Variants in AKT3 observed in about 807,000 individuals in gnomAD.
AKT3 encodes RAC-gamma serine/threonine-protein kinase.
In AKT3, 15 loss-of-function variants were observed where a neutral mutation model predicts 65.3. The observed-to-expected ratio is 0.23, with a 90% CI of 0.15 to 0.35. The LOEUF (loss-of-function observed/expected upper bound fraction) is 0.35, where lower values mean the gene tolerates loss of function less well. Ranked by LOEUF, AKT3 falls within the 10% of genes least tolerant of loss-of-function variation. AKT3 has a pLI of 1.00. For synonymous variants in AKT3, 206 were observed against 183.8 expected (o/e 1.12, Z -0.98); for missense variants, 243 against 576.5 (o/e 0.42, Z 5.92).
At chr1:243,765,409 A>T (rs577368615) in intron 2 of AKT3, among the ~76,000 whole-genome samples, 11 of 152,260 alleles carry the variant, frequency 7.2e-5, no homozygotes, top group African/African-American at 2.4e-4. Flanking sequence ...AACCATGTAA[A>T]CCAGCTTCCA....
At chr1:243,727,357 A>C (rs1440456649) in intron 2 of AKT3, among the ~76,000 whole-genome samples, 3 of 152,078 alleles carry the variant, frequency 2.0e-5, no homozygotes, top group African/African-American at 7.2e-5. Flanking sequence ...GCGATGGTAC[A>C]ATCTCAGCTC....
At chr1:243,745,152 A>C (rs544802908) in intron 2 of AKT3, among the ~76,000 whole-genome samples, 1 of 152,110 alleles carries the variant, frequency 6.6e-6, no homozygotes, top group South Asian at 2.1e-4. Flanking sequence ...CAGCCTGGGC[A>C]ATATGGTAAG....
At chr1:243,671,264 G>C (rs530896736) in intron 3 of AKT3, among the ~76,000 whole-genome samples, 113 of 152,120 alleles carry the variant, frequency 7.4e-4, no homozygotes, top group Non-Finnish European at 1.3e-3. Context: ...ATTTTTAGTA[G>C]AGACGGGGTT....
chr1:243,762,314 A>G (rs534179339), intron 2 of AKT3, among the ~76,000 whole-genome samples: 1 of 152,182 alleles, frequency 6.6e-6, no homozygotes, highest in South Asian at 2.1e-4. Flanking sequence ...TTTATTAAAT[A>G]CCCCCTTTGA....
At chr1:243,562,295 G>A (rs1673846046) in intron 10 of AKT3, among the ~76,000 whole-genome samples, 1 of 152,114 alleles carries the variant, frequency 6.6e-6, no homozygotes, top group Non-Finnish European at 1.5e-5. Flanking sequence ...AAGACAAAAA[G>A]CAGATCAGTG....
chr1:243,658,672 T>G (rs1444543908), intron 4 of AKT3, among the ~76,000 whole-genome samples: 1 of 152,110 alleles, frequency 6.6e-6, no homozygotes, highest in Non-Finnish European at 1.5e-5. Flanking sequence ...TGCCCTCTCA[T>G]GCTCATTGTT....
chr1:243,773,213 T>A (rs1051031220), intron 2 of AKT3, among the ~76,000 whole-genome samples: 17 of 147,286 alleles, frequency 1.2e-4, no homozygotes, highest in African/African-American at 4.2e-4. Flanking sequence ...AAAAAATATA[T>A]ATATATATAT....
rs538385372 is a variant in AKT3 at position 243,719,985 on chromosome 1, A to G, written c.47-24269T>C. ...TACTTACTTAATAACCTTGGTGTTA[A>G]GAGAGAGACATAAGAAATGAAAGCA... On this transcript the variant is annotated intron_variant, in intron 2 of 13. Transcript: ENST00000673466. Among the ~76,000 whole-genome samples the G allele has an allele frequency of 1.6e-4, 25 of 152,334 alleles. No individual in the cohort carries two copies. The Middle Eastern group carries it at 0.01, about 62-fold the overall frequency.
chr1:243,544,242 G>A (rs1672502861), intron 12 of AKT3, among the ~76,000 whole-genome samples: 2 of 134,236 alleles, frequency 1.5e-5, no homozygotes, highest in Non-Finnish European at 3.1e-5. Flanking sequence ...TGAGGTAGTG[G>A]GGGAAAAAAA....
At chr1:243,742,536 A>C (rs946274371) in intron 2 of AKT3, among the ~76,000 whole-genome samples, 1 of 152,154 alleles carries the variant, frequency 6.6e-6, no homozygotes, top group Non-Finnish European at 1.5e-5. Context: ...GAGGCAGGAT[A>C]ATCACTTGAA....
chr1:243,777,146 G>A (rs746276291), intron 2 of AKT3, among the ~76,000 whole-genome samples: 1 of 152,150 alleles, frequency 6.6e-6, no homozygotes, highest in Non-Finnish European at 1.5e-5. Flanking sequence ...CCATGGGATT[G>A]GGGGGAGACG....
chr1:243,639,638 C>T (rs1680226610), intron 5 of AKT3, among the ~76,000 whole-genome samples: 2 of 152,152 alleles, frequency 1.3e-5, no homozygotes, highest in South Asian at 2.1e-4. Flanking sequence ...GGAAGTTACC[C>T]TGTATGGTCT....
At chr1:243,522,790 GAAAT>G (rs1450870619) in intron 12 of AKT3, among the ~76,000 whole-genome samples, 1 of 152,100 alleles carries the variant, frequency 6.6e-6, no homozygotes, top group Non-Finnish European at 1.5e-5. Flanking sequence ...TATTAAACCA[GAAAT>G]AAATAAAAAA....
chr1:243,733,495 G>A (rs527527405), intron 2 of AKT3, among the ~76,000 whole-genome samples: 14 of 152,216 alleles, frequency 9.2e-5, no homozygotes, highest in Admixed American at 3.3e-4. Flanking sequence ...CATTGCACAC[G>A]GACAGAGCAC....
chr1:243,558,927 G>T (rs1024913277), intron 10 of AKT3, among the ~76,000 whole-genome samples: 7 of 152,044 alleles, frequency 4.6e-5, no homozygotes, highest in African/African-American at 1.4e-4. Context: ...AGCTACATTT[G>T]ATTTTCAAAC....
intron 2 of AKT3, among the ~76,000 whole-genome samples, chr1:243,754,646 G>A (rs1414435037): frequency 5.3e-5 from 8 of 152,146 alleles, no homozygotes; most frequent in East Asian, 1.9e-4. Context: ...ACAGGAGTGC[G>A]AACCCTATTG....
At chr1:243,600,214 G>A (rs568093091) in intron 8 of AKT3, among the ~76,000 whole-genome samples, 45 of 152,136 alleles carry the variant, frequency 3.0e-4, no homozygotes, top group Non-Finnish European at 5.4e-4. Flanking sequence ...AGACAACACT[G>A]TGAAACTGTC....
chr1:243,773,202 T>TAAA (rs918165611), intron 2 of AKT3, among the ~76,000 whole-genome samples: 1 of 144,448 alleles, frequency 6.9e-6, no homozygotes, highest in African/African-American at 2.6e-5. Flanking sequence ...CATATATATA[T>TAAA]AAAAAATATA....
chr1:243,702,670 C>T (rs572064552), intron 2 of AKT3, among the ~76,000 whole-genome samples: 16 of 152,164 alleles, frequency 1.1e-4, no homozygotes, highest in African/African-American at 3.9e-4. Context: ...ATAAATGAGG[C>T]AACGATGAAT....
Sources: gnomAD v4.1 joint callset for allele counts (sites outside exome capture counted in the v4.1 genomes callset) on GRCh38, gnomAD v4.1.1 for gene constraint, MANE v1.5 for transcripts, NCBI Gene and HGNC (gene_info 2026-07-23, HGNC 2026-07-21) for gene names.